ADARB2: variants seen among roughly 807,000 people sequenced by gnomAD.
ADARB2 encodes adenosine deaminase RNA specific B2 (inactive).
Under a neutral mutation model 62.2 loss-of-function variants are expected in ADARB2, and 25 were observed. That is an observed-to-expected ratio of 0.40 (90% CI 0.29 to 0.56). The LOEUF is 0.56. Among genes scored for constraint, ADARB2 ranks in the 20% least tolerant of loss-of-function variants. The probability of loss-of-function intolerance (pLI) is 0.43; values close to 1 mark genes in which losing one functional copy is unlikely to be tolerated. For synonymous variants in ADARB2, 572 were observed against 500.8 expected, an observed-to-expected ratio of 1.14 and a Z score of -1.90; for missense variants, 1,071 against 1,077.4, an observed-to-expected ratio of 0.99 and a Z score of 0.08.
chr10:1,352,852 C>T (rs182455805), intron 3 of ADARB2, among the ~76,000 whole-genome samples: 276 of 152,274 alleles, frequency 1.8e-3, no homozygotes, highest in Admixed American at 3.9e-3. Context: ...TCTCTCTGAT[C>T]CACCTGACAT....
At chr10:1,614,767 C>T (rs1357111529) in intron 1 of ADARB2, among the ~76,000 whole-genome samples, 10 of 152,074 alleles carry the variant, frequency 6.6e-5, no homozygotes, top group Non-Finnish European at 1.2e-4. Context: ...AAAAATTAGC[C>T]GGGTGTGGTG....
At chr10:1,499,057 C>T (rs956770454) in intron 1 of ADARB2, among the ~76,000 whole-genome samples, 1 of 147,376 alleles carries the variant, frequency 6.8e-6, no homozygotes, top group Admixed American at 6.7e-5. Flanking sequence ...ACTCGTCATT[C>T]ACTCATTACT....
At position 1,737,367 on chromosome 10, in the gene ADARB2, C is replaced by A; in HGVS notation, c.-217G>T. ...CACTGGGCTGGGGGCCTCGGCTGGG[C>A]GCCTGGAGCGAGCTGCTCCCTGGTC... is the stretch of plus-strand genomic sequence containing the variant. On this transcript the variant is annotated 5_prime_UTR_variant, in exon 1 of 10. Transcript: ENST00000381312. The A allele has an allele frequency of 5.6e-6, 3 of 537,004 alleles. No homozygotes were observed. Among genetic ancestry groups the A allele is most frequent in the Non-Finnish European group, 9.9e-6 (3 of 302,442 alleles). 33.3% of individuals were successfully genotyped at this position (537,004 alleles called of 1,614,324 possible). A position where few individuals can be genotyped will look rare whatever the true frequency, so the allele number is the denominator to read the frequency against.
At chr10:1,707,696 GCA>G (rs1739828630) in intron 1 of ADARB2, among the ~76,000 whole-genome samples, 2 of 152,178 alleles carry the variant, frequency 1.3e-5, no homozygotes, top group South Asian at 4.1e-4. Context: ...GCTTGGTTCG[GCA>G]CAGTTAGACT....
rs896435442 is a variant in ADARB2, at chr10:1,569,208, CAG to C, written c.100+167841_100+167842del. 3.3e-5 allele frequency among the ~76,000 whole-genome samples: 5 copies of C among 151,208 alleles called. No individual in the cohort carries two copies. In the South Asian group the frequency reaches 6.3e-4, roughly 19 times the overall value. On this transcript the variant is annotated intron_variant, in intron 1 of 9. Coordinates refer to ENST00000381312, the MANE Select transcript of ADARB2 (RefSeq NM_018702.4). The stretch of plus-strand genomic sequence containing the variant: ...AGAGAGAGAGAGGCAGAGACAGAGG[CAG>C]AGAGAGAGACAGTGACCAAAAGAGA...
chr10:1,576,335 A>C (rs1588308981), intron 1 of ADARB2, among the ~76,000 whole-genome samples: 1 of 143,730 alleles, frequency 7.0e-6, no homozygotes, highest in East Asian at 2.2e-4. Context: ...TCAGGGTCAC[A>C]GGATGGGTCT....
chr10:1,277,304 TAATG>T (rs1447491880), intron 3 of ADARB2, among the ~76,000 whole-genome samples: 2 of 152,066 alleles, frequency 1.3e-5, no homozygotes, highest in Non-Finnish European at 2.9e-5. Context: ...TTCAAAAAAT[TAATG>T]AATCCTGGAG....
At chr10:1,350,563 A>G (rs1832126544) in intron 3 of ADARB2, among the ~76,000 whole-genome samples, 1 of 152,210 alleles carries the variant, frequency 6.6e-6, no homozygotes, top group African/African-American at 2.4e-5. Context: ...GGCTGGAGCT[A>G]AAGGCATAGT....
At chr10:1,350,693 T>C (rs1157234783) in intron 3 of ADARB2, among the ~76,000 whole-genome samples, 1 of 152,230 alleles carries the variant, frequency 6.6e-6, no homozygotes, top group Non-Finnish European at 1.5e-5. Context: ...AACCCTGAGA[T>C]GCTTTACAGC....
chr10:1,452,135 G>A (rs1337328963), intron 1 of ADARB2, among the ~76,000 whole-genome samples: 1 of 152,182 alleles, frequency 6.6e-6, no homozygotes, highest in Non-Finnish European at 1.5e-5. Flanking sequence ...AGATTTGGCC[G>A]CTGCCACCAT....
At chr10:1,708,865 T>C (rs371195278) in intron 1 of ADARB2, among the ~76,000 whole-genome samples, 231 of 152,222 alleles carry the variant, frequency 1.5e-3, no homozygotes, top group African/African-American at 4.8e-3. Context: ...AAGCCACACC[T>C]GTGAACATGC....
intron 4 of ADARB2, among the ~76,000 whole-genome samples, chr10:1,256,807 CTATT>C (rs1026177887): frequency 1.8e-4 from 27 of 152,238 alleles, no homozygotes; most frequent in African/African-American, 6.3e-4. Flanking sequence ...TATTAAAAGT[CTATT>C]TATCTCCTCA....
intron 1 of ADARB2, among the ~76,000 whole-genome samples, chr10:1,698,732 G>T (rs906250066): frequency 6.6e-6 from 1 of 151,792 alleles, no homozygotes; most frequent in Non-Finnish European, 1.5e-5. Context: ...GGTAGAAAGA[G>T]TTGAAGGGGC....
intron 1 of ADARB2, among the ~76,000 whole-genome samples, chr10:1,712,803 G>T (rs956537896): frequency 6.6e-6 from 1 of 151,740 alleles, no homozygotes; most frequent in Non-Finnish European, 1.5e-5. Flanking sequence ...TAGAGACAGG[G>T]TTTCACCGTG....
At chr10:1,342,426 GA>G (rs1832038777) in intron 3 of ADARB2, among the ~76,000 whole-genome samples, 2 of 152,190 alleles carry the variant, frequency 1.3e-5, no homozygotes, top group African/African-American at 4.8e-5. Context: ...ACAGCATCGA[GA>G]AACATTCAGG....
In ADARB2 at chr10:1,363,047, C is replaced by T; in HGVS notation, c.1058G>A (p.Arg353Lys). ...QMPGHAPGRA[R>K]RTPMPQEFAD... ...CCTCACCTGCGGCATTGGCGTCCTC[C>T]TGGCCCTGCCGGGCGCGTGGCCGGG... is the stretch of plus-strand genomic sequence containing the variant. The change falls in exon 3 of 10, where the codon AGG (arginine) becomes AAG (lysine). Residue 353 changes from arginine (R) to lysine (K), a missense_variant. Transcript: ENST00000381312. The T allele has an allele frequency of 7.0e-7, 1 of 1,420,742 alleles. No homozygotes were observed. The highest frequency in any genetic ancestry group is 9.2e-7 in the Non-Finnish European group (1 of 1,086,766). The allele number at this position is 1,420,742 out of a possible 1,614,324, so 88.0% of individuals were successfully genotyped here.
chr10:1,715,089 C>G (rs769679049), intron 1 of ADARB2, among the ~76,000 whole-genome samples: 1 of 147,848 alleles, frequency 6.8e-6, no homozygotes. Context: ...GATATCTGCT[C>G]TCATTCTTTC....
chr10:1,214,118 T>TGGACCTG (rs1837198690), intron 7 of ADARB2, among the ~76,000 whole-genome samples: 1 of 104,948 alleles, frequency 9.5e-6, no homozygotes, highest in African/African-American at 3.5e-5. Flanking sequence ...TGCACCTGTG[T>TGGACCTG]CCAGCGTCAT....
At chr10:1,454,925 G>A (rs1443800086) in intron 1 of ADARB2, among the ~76,000 whole-genome samples, 2 of 152,238 alleles carry the variant, frequency 1.3e-5, no homozygotes, top group Admixed American at 1.3e-4. Context: ...TATTCTTCAT[G>A]AATTGAGATG....
Sources: gnomAD v4.1 joint callset for allele counts (sites outside exome capture counted in the v4.1 genomes callset) on GRCh38, gnomAD v4.1.1 for gene constraint, MANE v1.5 for transcripts, NCBI Gene and HGNC (gene_info 2026-07-23, HGNC 2026-07-21) for gene names.